The following NEBL variants were observed in gnomAD, a reference collection of about 807,000 sequenced individuals.
NEBL encodes the protein nebulette.
Under a neutral mutation model 140.2 loss-of-function variants are expected in NEBL, and 122 were observed. The ratio of observed to expected loss-of-function variants is 0.87; its 90% CI spans 0.75 to 1.01. NEBL has a LOEUF of 1.01. Among genes scored for constraint, NEBL ranks in the 50% least tolerant of loss-of-function variants. NEBL has a pLI of 0.00. For synonymous variants in NEBL, 436 were observed against 398.9 expected (o/e 1.09, Z -1.11); for missense variants, 1,365 against 1,231.3 (o/e 1.11, Z -1.62).
chr10:21,106,970 T>C (rs1163100778), intron 2 of NEBL, among the ~76,000 whole-genome samples: 1 of 152,202 alleles, frequency 6.6e-6, no homozygotes, highest in Non-Finnish European at 1.5e-5. Flanking sequence ...AATTCACTCA[T>C]GATTTGGCTC....
chr10:21,105,324 T>C (rs776605213), intron 2 of NEBL, among the ~76,000 whole-genome samples: 2 of 152,138 alleles, frequency 1.3e-5, no homozygotes, highest in Non-Finnish European at 2.9e-5. Context: ...TTCCTAATGC[T>C]ATCCCTCCCC....
chr10:21,175,554 T>C (rs1841279928), upstream of NEBL, among the ~76,000 whole-genome samples: 1 of 152,266 alleles, frequency 6.6e-6, no homozygotes, highest in African/African-American at 2.4e-5. Context: ...CATTGGTTTC[T>C]GGGCCTCTTA....
intron 4 of NEBL, among the ~76,000 whole-genome samples, chr10:20,938,086 C>G (rs892938088): frequency 6.6e-6 from 1 of 152,180 alleles, no homozygotes; most frequent in Non-Finnish European, 1.5e-5. Flanking sequence ...GCTTTGAAGA[C>G]AGTAGTGGTT....
At chr10:21,177,446 G>A (rs1225042198), upstream of NEBL, among the ~76,000 whole-genome samples, 2 of 152,162 alleles carry the variant, frequency 1.3e-5, no homozygotes, top group South Asian at 2.1e-4. Context: ...TGTCAATGAT[G>A]AGACTTCAAG....
At chr10:20,850,833 A>T (rs1024965844) in intron 10 of NEBL, among the ~76,000 whole-genome samples, 2 of 152,238 alleles carry the variant, frequency 1.3e-5, no homozygotes, top group African/African-American at 4.8e-5. Context: ...GCATACACAC[A>T]TAGGTAGCAG....
intron 2 of NEBL, among the ~76,000 whole-genome samples, chr10:21,115,609 C>T (rs763379529): frequency 2.0e-5 from 3 of 151,830 alleles, no homozygotes; most frequent in South Asian, 2.1e-4. Context: ...ACAAGGAGTT[C>T]GCTCAATATC....
intron 3 of NEBL, among the ~76,000 whole-genome samples, chr10:21,180,804 G>C (rs1362370513): frequency 6.6e-6 from 1 of 152,022 alleles, no homozygotes; most frequent in Non-Finnish European, 1.5e-5. Context: ...TGTCTTCCCT[G>C]GTTGGTTTTG....
Position 20,812,757 on chromosome 10 carries a change from C to T in NEBL, c.2518+12G>A. On this transcript the variant is annotated intron_variant, in intron 24 of 27. Transcript: ENST00000377122. ...GACCACACACACCGGCCGACAAACG[C>T]CGTCAGCTTACCAACAATGATTCCA... 1 of 1,613,804 alleles carries T rather than the reference C, an allele frequency of 6.2e-7. No homozygotes were observed. Among genetic ancestry groups the T allele is most frequent in the Non-Finnish European group, 8.5e-7 (1 of 1,179,852 alleles).
chr10:21,138,148 G>A (rs1042174418), intron 2 of NEBL, among the ~76,000 whole-genome samples: 5 of 152,066 alleles, frequency 3.3e-5, no homozygotes, highest in Admixed American at 1.3e-4. Context: ...TCTGGCTTCC[G>A]AAAACAGTAG....
At chr10:20,919,248 C>A (rs928834389) in intron 4 of NEBL, among the ~76,000 whole-genome samples, 5 of 152,094 alleles carry the variant, frequency 3.3e-5, no homozygotes, top group Non-Finnish European at 5.9e-5. Context: ...AATTATGCAA[C>A]GTACTGGTTG....
At chr10:21,248,299 C>A (rs1172401779) in intron 2 of NEBL, among the ~76,000 whole-genome samples, 2 of 151,690 alleles carry the variant, frequency 1.3e-5, no homozygotes, top group Admixed American at 6.6e-5. Context: ...GGAAAGCATC[C>A]TTCTATTGCT....
chr10:21,168,905 C>A (rs919936777), intron 2 of NEBL, among the ~76,000 whole-genome samples: 1 of 150,382 alleles, frequency 6.6e-6, no homozygotes, highest in East Asian at 2.0e-4. Context: ...AAAAATTAGC[C>A]GGGCTTGGTG....
chr10:21,141,053 T>C (rs1383923097), intron 2 of NEBL, among the ~76,000 whole-genome samples: 5 of 105,474 alleles, frequency 4.7e-5, no homozygotes. Context: ...AAACAAGAGG[T>C]ATTCGACAAA....
At chr10:21,083,950 C>T (rs1274297421) in intron 2 of NEBL, among the ~76,000 whole-genome samples, 1 of 152,200 alleles carries the variant, frequency 6.6e-6, no homozygotes, top group Non-Finnish European at 1.5e-5. Flanking sequence ...TACTGAAGAG[C>T]CTATGGCCTG....
At chr10:20,941,936 A>G (rs1834891802) in intron 4 of NEBL, among the ~76,000 whole-genome samples, 1 of 152,148 alleles carries the variant, frequency 6.6e-6, no homozygotes. Context: ...ATGAAATAAA[A>G]GAGGATACAA....
At chr10:21,133,431 G>A (rs1839207582) in intron 2 of NEBL, among the ~76,000 whole-genome samples, 1 of 152,220 alleles carries the variant, frequency 6.6e-6, no homozygotes, top group Admixed American at 6.5e-5. Context: ...GTGTGGGGCA[G>A]TCCATAAGGG....
intron 3 of NEBL, among the ~76,000 whole-genome samples, chr10:21,241,351 G>A (rs1431700906): frequency 6.6e-6 from 1 of 152,080 alleles, no homozygotes; most frequent in South Asian, 2.1e-4. Flanking sequence ...GGCCGCCTGC[G>A]GGATGAGCTT....
Position 21,281,306 on chromosome 10 carries a change from G to GT in NEBL, n.182+11523dup, listed in dbSNP as rs1481250834. Reference sequence around the variant, plus strand: ...GCATTCTGGCCCAGTGCAAGCCCTTGTTTTTTGGTTTTGGGGTTTTTTGTG... The same window carrying GT: ...GCATTCTGGCCCAGTGCAAGCCCTTGTTTTTTTGGTTTTGGGGTTTTTTGTG... On this transcript the variant is annotated intron_variant and non_coding_transcript_variant, in intron 1 of 8. Transcript: ENST00000675702. Among the ~76,000 whole-genome samples, 5 of 152,014 alleles carry GT rather than the reference G, an allele frequency of 3.3e-5. No homozygotes were observed. The East Asian group carries it at 9.7e-4, about 29-fold the overall frequency.
In NEBL at chr10:21,206,315, C is replaced by T. The variant is rs180903725; in HGVS notation, n.349-33838G>A. Among the ~76,000 whole-genome samples the T allele has an allele frequency of 3.6e-4, 55 of 152,310 alleles. No individual in the cohort carries two copies. In the South Asian group the frequency reaches 8.3e-3, roughly 23 times the overall value. ...TACTACTAAAATAAGTTATTTTGTC[C>T]TGGCAACTCTAATGCTTTGATAAAT... On this transcript the variant is annotated intron_variant and non_coding_transcript_variant, in intron 3 of 8. Coordinates refer to the NEBL transcript ENST00000675702.
Sources: allele counts gnomAD v4.1 joint callset (sites outside exome capture counted in the v4.1 genomes callset), GRCh38; gene constraint gnomAD v4.1.1; transcripts MANE v1.5; gene names NCBI Gene and HGNC (gene_info 2026-07-23, HGNC 2026-07-21).